TLK1: variants seen among roughly 807,000 people sequenced by gnomAD.
The protein encoded by TLK1 is serine/threonine-protein kinase tousled-like 1.
In TLK1, 24 loss-of-function variants were observed where a neutral mutation model predicts 105.3. The ratio of observed to expected loss-of-function variants is 0.23; its 90% confidence interval spans 0.17 to 0.32. TLK1 has a LOEUF of 0.32. Among genes scored for constraint, TLK1 ranks in the 10% least tolerant of loss-of-function variants. The pLI is 1.00. For missense variants in TLK1, 558 were observed against 910.5 expected (o/e 0.61, Z 4.98); for synonymous variants, 321 against 310.4 (o/e 1.03, Z -0.36).
At chr2:171,168,654 C>T (rs1348061410) in intron 1 of TLK1, among the ~76,000 whole-genome samples, 1 of 152,132 alleles carries the variant, frequency 6.6e-6, no homozygotes, top group Non-Finnish European at 1.5e-5. Flanking sequence ...CTAAAACAGA[C>T]TTTAGCTATA....
At chr2:171,174,540 T>C (rs972339002) in intron 1 of TLK1, among the ~76,000 whole-genome samples, 10 of 152,188 alleles carry the variant, frequency 6.6e-5, no homozygotes, top group Admixed American at 4.6e-4. Context: ...TCTATCTCCT[T>C]GCTCCCATGG....
intron 18 of TLK1, among the ~76,000 whole-genome samples, chr2:171,000,376 CAAAA>C (rs34800888): frequency 1.3e-5 from 1 of 78,372 alleles, no homozygotes. Flanking sequence ...GAAACTCTGT[CAAAA>C]AAAAAAAAAA....
intron 1 of TLK1, among the ~76,000 whole-genome samples, chr2:171,206,086 A>T (rs1245795353): frequency 6.6e-6 from 1 of 152,216 alleles, no homozygotes. Flanking sequence ...ATTACATGTC[A>T]AGAAATACAA....
intron 1 of TLK1, among the ~76,000 whole-genome samples, chr2:171,230,362 T>A (rs1693973027): frequency 1.3e-5 from 2 of 152,180 alleles, no homozygotes; most frequent in South Asian, 4.1e-4. Context: ...AAAGATAAGA[T>A]CTGTGACATT....
At chr2:170,995,708 CTT>C (rs1199215175) in intron 20 of TLK1, among the ~76,000 whole-genome samples, 3 of 152,230 alleles carry the variant, frequency 2.0e-5, no homozygotes, top group South Asian at 2.1e-4. Flanking sequence ...ATATTTATCT[CTT>C]TTGTTTTTTT....
chr2:171,177,391 C>T (rs906341472), intron 1 of TLK1, among the ~76,000 whole-genome samples: 1 of 152,110 alleles, frequency 6.6e-6, no homozygotes, highest in Non-Finnish European at 1.5e-5. Flanking sequence ...GATCCACCTG[C>T]GTCAGCCTCC....
chr2:171,135,233 C>G (rs1558961341), intron 1 of TLK1, among the ~76,000 whole-genome samples: 1 of 151,600 alleles, frequency 6.6e-6, no homozygotes, highest in Non-Finnish European at 1.5e-5. Flanking sequence ...AAATGTCTTG[C>G]TGGAAAAATT....
In TLK1 at chr2:171,104,433, A is replaced by G. The variant is rs970026048; in HGVS notation, c.258+13306T>C. 2.6e-5 allele frequency among the ~76,000 whole-genome samples: 4 copies of G among 152,032 alleles called. No individual in the cohort carries two copies. The East Asian group carries it at 5.8e-4, about 22-fold the overall frequency. ...AGAGGACATAAAAAAATAGAAAGAC[A>G]CCCCACGTTCATGAATTGGAAGAAT... On this transcript the variant is annotated intron_variant, in intron 2 of 20. Transcript: ENST00000431350.
Position 171,160,816 on chromosome 2 carries a change from G to T in TLK1, c.-388C>A, listed in dbSNP as rs1224092043. The T allele has an allele frequency of 8.0e-5, 29 of 364,626 alleles. No individual in the cohort carries two copies. The Admixed American group carries it at 1.1e-3, about 14-fold the overall frequency. 22.6% of individuals were successfully genotyped at this position (364,626 alleles called of 1,614,324 possible). ...CGGAACCTGCCGGCACCTCTGCAGT[G>T]CGTCGGCCCCCGGCGTCGCCCGGGA... On this transcript the variant is annotated 5_prime_UTR_variant, in exon 1 of 21. Coordinates refer to ENST00000431350, the MANE Select transcript of TLK1 (RefSeq NM_012290.5). This position sits in a 1 kb window ranked among gnomAD's most constrained non-coding sequence, Gnocchi z 4.4.
At chr2:171,228,836 C>T (rs1693943295) in intron 1 of TLK1, among the ~76,000 whole-genome samples, 1 of 152,096 alleles carries the variant, frequency 6.6e-6, no homozygotes, top group Admixed American at 6.5e-5. Flanking sequence ...AGTGGTTGAA[C>T]TGTAATTAAA....
intron 2 of TLK1, among the ~76,000 whole-genome samples, chr2:171,091,344 C>T (rs2105489979): frequency 6.6e-6 from 1 of 152,292 alleles, no homozygotes; most frequent in East Asian, 1.9e-4. Flanking sequence ...TCTAACCAGA[C>T]ATAATCTAGT....
At position 170,992,071 on chromosome 2, in the gene TLK1, A is replaced by G. The variant is rs1013529355; in HGVS notation, c.*1709T>C. ...TTTACACTTGTCTTGAAGTATACTT[A>G]AGGAATTTATTCAGCTGATTTTTAA... is the stretch of plus-strand genomic sequence containing the variant. On this transcript the variant is annotated 3_prime_UTR_variant, in exon 21 of 21. Transcript: ENST00000431350. The G allele has an allele frequency of 6.6e-6, 1 of 152,164 alleles. No homozygotes were observed. The highest frequency in any genetic ancestry group is 2.4e-5 in the African/African-American group (1 of 41,448). 9.4% of individuals were successfully genotyped at this position (152,164 alleles called of 1,614,324 possible).
rs1345921944 is a variant in TLK1 at position 170,991,569 on chromosome 2, A to G, written c.*2211T>C. ...GACCTAAACCCAGGTCAGGAAAGCAACTTCATTTCATGGCTTGTTTTTCCC... is the reference window on the plus strand; with the variant it reads ...GACCTAAACCCAGGTCAGGAAAGCAGCTTCATTTCATGGCTTGTTTTTCCC... On this transcript the variant is annotated 3_prime_UTR_variant, in exon 21 of 21. Coordinates refer to ENST00000431350, the MANE Select transcript of TLK1 (RefSeq NM_012290.5). The G allele has an allele frequency of 6.6e-6, 1 of 152,200 alleles. No individual in the cohort carries two copies. Among genetic ancestry groups the G allele is most frequent in the Non-Finnish European group, 1.5e-5 (1 of 68,030 alleles). The allele number at this position is 152,200 out of a possible 1,614,324, so 9.4% of individuals were successfully genotyped here.
chr2:171,102,906 A>T (rs55758155), intron 2 of TLK1, among the ~76,000 whole-genome samples: 59,172 of 151,848 alleles, frequency 0.39, 12,891 homozygotes, highest in African/African-American at 0.57. Context: ...CAAACACATA[A>T]ATTTTAGTAT....
chr2:171,130,902 T>C (rs914008684), intron 1 of TLK1, among the ~76,000 whole-genome samples: 31 of 152,134 alleles, frequency 2.0e-4, no homozygotes, highest in African/African-American at 7.0e-4. Flanking sequence ...ATATATAAAT[T>C]AGCACATAAT....
chr2:171,167,418 G>T (rs1466178743), intron 1 of TLK1, among the ~76,000 whole-genome samples: 1 of 151,928 alleles, frequency 6.6e-6, no homozygotes, highest in Non-Finnish European at 1.5e-5. Context: ...ATCTCAACAC[G>T]CCCCCTCAAT....
At chr2:171,154,183 C>T (rs985093179) in intron 1 of TLK1, among the ~76,000 whole-genome samples, 1 of 151,900 alleles carries the variant, frequency 6.6e-6, no homozygotes, top group African/African-American at 2.4e-5. Context: ...CATAGCACCT[C>T]GCCTGATGAT....
chr2:171,000,915 G>A (rs113777609), intron 18 of TLK1, among the ~76,000 whole-genome samples: 3 of 152,234 alleles, frequency 2.0e-5, no homozygotes, highest in African/African-American at 7.2e-5. Context: ...CACCAGTTTG[G>A]AAGCACTCAT....
chr2:171,227,458 C>T (rs1490154783), intron 1 of TLK1, among the ~76,000 whole-genome samples: 2 of 151,442 alleles, frequency 1.3e-5, no homozygotes, highest in South Asian at 4.2e-4. Flanking sequence ...AAAGCATGAC[C>T]AAAAGCTTTC....
Sources: allele counts gnomAD v4.1 joint callset (sites outside exome capture counted in the v4.1 genomes callset), GRCh38; gene constraint gnomAD v4.1.1; non-coding constraint Gnocchi (gnomAD v3.1); transcripts MANE v1.5; gene names NCBI Gene and HGNC (gene_info 2026-07-23, HGNC 2026-07-21).